FAM3C: variants seen among roughly 807,000 people sequenced by gnomAD.
FAM3C encodes the protein FAM3 metabolism regulating signaling molecule C, also known as protein FAM3C.
Under a neutral mutation model 32.5 loss-of-function variants are expected in FAM3C, and 15 were observed. The ratio of observed to expected loss-of-function variants is 0.46; its 90% CI spans 0.31 to 0.71. The LOEUF is 0.71. Ranked by LOEUF, FAM3C falls within the 30% of genes least tolerant of loss-of-function variation. The probability of loss-of-function intolerance (pLI) is 0.05; values close to 1 mark genes in which losing one functional copy is unlikely to be tolerated. For missense variants in FAM3C, 175 were observed against 274.4 expected (o/e 0.64, Z 2.56); for synonymous variants, 75 against 86.1 (o/e 0.87, Z 0.72).
intron 1 of FAM3C, among the ~76,000 whole-genome samples, chr7:121,392,122 T>C (rs1794588764): frequency 1.3e-5 from 2 of 152,212 alleles, no homozygotes; most frequent in South Asian, 4.1e-4. Flanking sequence ...AGCTCCCAGA[T>C]CTGGTTTGGA....
chr7:121,371,488 C>T, intron 4 of FAM3C, 65 bp from the exon 5 acceptor site: 1 of 1,513,434 alleles, frequency 6.6e-7, no homozygotes, highest in Non-Finnish European at 9.1e-7. Context: ...CCTCACTTTA[C>T]TTCAAATCTC....
intron 1 of FAM3C, among the ~76,000 whole-genome samples, chr7:121,386,183 C>G (rs141155766): frequency 6.6e-6 from 1 of 152,204 alleles, no homozygotes; most frequent in African/African-American, 2.4e-5. Context: ...GAAAATTAAA[C>G]GTACAAATAC....
Position 121,383,008 on chromosome 7 carries a change from C to G in FAM3C, c.-39G>C, listed in dbSNP as rs1584706315. The G allele has an allele frequency of 6.4e-7, 1 of 1,566,536 alleles. No individual in the cohort carries two copies. Among genetic ancestry groups the G allele is most frequent in the South Asian group, 1.1e-5 (1 of 88,076 alleles). ...GTTTATGGCACTTTTCATTAATATG[C>G]TCCTAAAAAATCAAAACAAAAAGCA... On this transcript the variant is annotated splice_region_variant and 5_prime_UTR_variant, in exon 2 of 10. Coordinates refer to ENST00000359943, the MANE Select transcript of FAM3C (RefSeq NM_014888.3).
intron 8 of FAM3C, among the ~76,000 whole-genome samples, chr7:121,353,706 T>C (rs1304762758): frequency 6.6e-6 from 1 of 152,216 alleles, no homozygotes; most frequent in Non-Finnish European, 1.5e-5. Flanking sequence ...TCTCTGGGCA[T>C]TGAGTCCCTA....
At chr7:121,369,937 A>G (rs959448206) in intron 5 of FAM3C, among the ~76,000 whole-genome samples, 1 of 138,422 alleles carries the variant, frequency 7.2e-6, no homozygotes, top group Non-Finnish European at 1.5e-5. Context: ...AAAACCTGCT[A>G]GTAAACAGTC....
At chr7:121,360,014 T>G in intron 8 of FAM3C, 29 bp downstream of exon 8, 1 of 1,127,404 alleles carries the variant, frequency 8.9e-7, no homozygotes, top group Non-Finnish European at 1.3e-6. Flanking sequence ...CAAATTATAG[T>G]TCCAAAAAGT....
At chr7:121,393,570 G>A (rs139893193) in intron 1 of FAM3C, among the ~76,000 whole-genome samples, 1 of 152,206 alleles carries the variant, frequency 6.6e-6, no homozygotes, top group East Asian at 1.9e-4. Flanking sequence ...TTAAAAATAA[G>A]GGAAATATAA....
intron 1 of FAM3C, among the ~76,000 whole-genome samples, chr7:121,392,842 G>A (rs568023366): frequency 2.2e-4 from 33 of 152,160 alleles, no homozygotes; most frequent in African/African-American, 8.0e-4. Flanking sequence ...GTATATGAAT[G>A]GAATATAGAA....
intron 1 of FAM3C, among the ~76,000 whole-genome samples, chr7:121,390,996 A>T (rs1467577557): frequency 1.3e-5 from 2 of 152,100 alleles, no homozygotes; most frequent in East Asian, 3.9e-4. Context: ...GGCAACAGAT[A>T]AATCCAGAGA....
At chr7:121,365,788 T>C (rs1794013537) in intron 5 of FAM3C, among the ~76,000 whole-genome samples, 3 of 152,066 alleles carry the variant, frequency 2.0e-5, no homozygotes, top group African/African-American at 4.8e-5. Flanking sequence ...TATAATTATA[T>C]AGGCAGTGGA....
intron 5 of FAM3C, among the ~76,000 whole-genome samples, chr7:121,368,982 T>A (rs1794085073): frequency 6.8e-6 from 1 of 147,106 alleles, no homozygotes; most frequent in Non-Finnish European, 1.5e-5. Flanking sequence ...GTTTTTTTTT[T>A]TTTTTTTTTT....
intron 8 of FAM3C, among the ~76,000 whole-genome samples, chr7:121,357,488 C>T (rs1793837497): frequency 1.3e-5 from 2 of 152,072 alleles, no homozygotes; most frequent in Admixed American, 1.3e-4. Context: ...CAATTAGACA[C>T]CTGCCAAGAT....
intron 3 of FAM3C, among the ~76,000 whole-genome samples, chr7:121,374,158 T>C (rs1236073183): frequency 6.6e-6 from 1 of 152,190 alleles, no homozygotes; most frequent in Non-Finnish European, 1.5e-5. Flanking sequence ...ATTGTATCCA[T>C]GTTGATGTCC....
In FAM3C at chr7:121,381,640, T is replaced by G. The variant is rs912323215; in HGVS notation, c.13+1317A>C. On this transcript the variant is annotated intron_variant, in intron 2 of 9. Transcript: ENST00000359943. The stretch of plus-strand genomic sequence containing the variant: ...TGACATCATAAATAGTAAGTCCTGC[T>G]GTACTCAAAGAACATCCACACACAC... 2.7e-5 allele frequency among the ~76,000 whole-genome samples: 4 copies of G among 148,562 alleles called. No individual in the cohort carries two copies. The Admixed American group carries it at 2.7e-4, about 10-fold the overall frequency.
intron 5 of FAM3C, 26 bp from the exon 6 acceptor site, chr7:121,364,214 T>G (rs901684707): frequency 1.2e-5 from 17 of 1,428,752 alleles, no homozygotes; most frequent in Non-Finnish European, 1.4e-5. Context: ...TTGAAATAAA[T>G]TTAGAATTAA....
At chr7:121,355,996 C>A (rs1793800337) in intron 8 of FAM3C, among the ~76,000 whole-genome samples, 2 of 148,688 alleles carry the variant, frequency 1.3e-5, no homozygotes, top group African/African-American at 2.5e-5. Context: ...TAAACAAAAT[C>A]AAGTTCTGAA....
chr7:121,373,376 T>C (rs1471122593), intron 3 of FAM3C, among the ~76,000 whole-genome samples: 1 of 152,156 alleles, frequency 6.6e-6, no homozygotes, highest in Non-Finnish European at 1.5e-5. Context: ...CTGAAAACAT[T>C]AGCACCTGGT....
chr7:121,395,158 TATATATATGGATACATAC>T (rs1434357962), intron 1 of FAM3C, among the ~76,000 whole-genome samples: 11 of 152,126 alleles, frequency 7.2e-5, no homozygotes, highest in South Asian at 2.1e-4. Flanking sequence ...ATTGTATCCA[TATATATATGGATACATAC>T]ATATATATGG....
At chr7:121,371,988 C>A (rs974862756) in intron 4 of FAM3C, 122 bp downstream of exon 4, 1 of 684,272 alleles carries the variant, frequency 1.5e-6, no homozygotes. Flanking sequence ...ATCCTCATAA[C>A]TTTAAAAAGC....
Sources: allele counts gnomAD v4.1 joint callset (sites outside exome capture counted in the v4.1 genomes callset), GRCh38; gene constraint gnomAD v4.1.1; transcripts MANE v1.5; gene names NCBI Gene and HGNC (gene_info 2026-07-23, HGNC 2026-07-21).